Variants in RORA observed in about 807,000 individuals in gnomAD.
The protein encoded by RORA is RAR related orphan receptor A, also known as nuclear receptor ROR-alpha.
In RORA, 7 loss-of-function variants were observed where a neutral mutation model predicts 69.5. The ratio of observed to expected loss-of-function variants is 0.10; its 90% confidence interval spans 0.06 to 0.19. The LOEUF is 0.19. RORA is among the 10% of genes least tolerant of loss of function. The pLI, the probability that RORA is intolerant of heterozygous loss-of-function variation, is 1.00. For missense variants in RORA, 457 were observed against 663.0 expected (o/e 0.69, Z 3.41); for synonymous variants, 261 against 240.8 (o/e 1.08, Z -0.78).
intron 1 of RORA, among the ~76,000 whole-genome samples, chr15:60,734,180 A>T (rs955750831): frequency 1.3e-5 from 2 of 152,110 alleles, no homozygotes; most frequent in Non-Finnish European, 2.9e-5. Flanking sequence ...TGACCCCTAA[A>T]TCAGTGTTCT....
chr15:61,115,577 T>C (rs1258781347), intron 1 of RORA, among the ~76,000 whole-genome samples: 1 of 152,192 alleles, frequency 6.6e-6, no homozygotes, highest in African/African-American at 2.4e-5. Flanking sequence ...TAGGCTCATT[T>C]TCCCTCATAA....
intron 1 of RORA, among the ~76,000 whole-genome samples, chr15:61,140,888 T>C (rs1460149911): frequency 6.6e-6 from 1 of 152,084 alleles, no homozygotes; most frequent in Non-Finnish European, 1.5e-5. Context: ...CCAAACACCT[T>C]CCTAACTCCC....
chr15:60,666,881 C>T (rs369788855), intron 2 of RORA, among the ~76,000 whole-genome samples: 1 of 152,182 alleles, frequency 6.6e-6, no homozygotes, highest in Non-Finnish European at 1.5e-5. Context: ...TTAGACTCCT[C>T]AGGTGACAGA....
chr15:61,000,867 G>A (rs1271317200), intron 1 of RORA, among the ~76,000 whole-genome samples: 1 of 152,092 alleles, frequency 6.6e-6, no homozygotes, highest in Non-Finnish European at 1.5e-5. Flanking sequence ...CTATCATGTG[G>A]GGACACCTGA....
chr15:61,025,223 A>T (rs2140426069), intron 1 of RORA, among the ~76,000 whole-genome samples: 1 of 152,330 alleles, frequency 6.6e-6, no homozygotes, highest in East Asian at 1.9e-4. Context: ...ACACTGGGAC[A>T]TGACTTAATT....
chr15:61,229,219 GT>G lies in RORA; in HGVS notation c.-2del. On this transcript the variant is annotated 5_prime_UTR_variant, in exon 1 of 11. Coordinates refer to ENST00000335670, the MANE Select transcript of RORA (RefSeq NM_134261.3). ...CGGGGGCTGCCGGAGCTGACTCCAT[GT>G]TTTTTCCCAATGTAGAGATCGCTGG... 7 of 1,377,026 alleles carry G rather than the reference GT, an allele frequency of 5.1e-6. No individual in the cohort carries two copies. Among genetic ancestry groups the G allele is most frequent in the Non-Finnish European group, 6.7e-6 (7 of 1,051,880 alleles). 85.3% of individuals were successfully genotyped at this position (1,377,026 alleles called of 1,614,324 possible). A position where few individuals can be genotyped will look rare whatever the true frequency, so the allele number is the denominator to read the frequency against.
At chr15:60,982,311 A>G (rs11631656) in intron 1 of RORA, among the ~76,000 whole-genome samples, 30,303 of 152,104 alleles carry the variant, frequency 0.2, 3,131 homozygotes, top group Middle Eastern at 0.24. Context: ...AGCCCTGGAC[A>G]TGTGAATGTT....
chr15:60,815,754 T>C (rs1353887897), intron 1 of RORA, among the ~76,000 whole-genome samples: 2 of 151,712 alleles, frequency 1.3e-5, no homozygotes, highest in Non-Finnish European at 2.9e-5. Flanking sequence ...AGCTCATCTT[T>C]AGATGCCCCC....
At chr15:60,657,608 C>G (rs1485123296) in intron 2 of RORA, among the ~76,000 whole-genome samples, 1 of 152,174 alleles carries the variant, frequency 6.6e-6, no homozygotes, top group African/African-American at 2.4e-5. Flanking sequence ...TCCTTGGGAG[C>G]CTGAAATGGA....
At chr15:60,801,659 G>A (rs1299762781) in intron 1 of RORA, among the ~76,000 whole-genome samples, 2 of 152,214 alleles carry the variant, frequency 1.3e-5, no homozygotes, top group Non-Finnish European at 2.9e-5. Flanking sequence ...CCCCAGTGCA[G>A]CCGCCTGAAA....
intron 1 of RORA, among the ~76,000 whole-genome samples, chr15:61,151,059 AC>A (rs2079393776): frequency 6.6e-6 from 1 of 152,208 alleles, no homozygotes; most frequent in Admixed American, 6.5e-5. Flanking sequence ...TGTAATTCCT[AC>A]CCATCATCCA....
chr15:60,844,974 A>G (rs952386025), intron 1 of RORA, among the ~76,000 whole-genome samples: 1 of 152,188 alleles, frequency 6.6e-6, no homozygotes, highest in African/African-American at 2.4e-5. Flanking sequence ...TCAGTTGTAT[A>G]AGTGAAGGAA....
chr15:60,559,098 C>T (rs559358871), intron 2 of RORA, among the ~76,000 whole-genome samples: 1 of 151,952 alleles, frequency 6.6e-6, no homozygotes, highest in East Asian at 1.9e-4. Flanking sequence ...AAATAAAGAA[C>T]ATTTAATATT....
rs2065889393 is a variant in RORA at position 60,516,022 on chromosome 15, T to TAC, written c.283-1266_283-1265insGT. On this transcript the variant is annotated intron_variant, in intron 3 of 10. Coordinates refer to ENST00000335670, the MANE Select transcript of RORA (RefSeq NM_134261.3). ...ATATTTATATATATTTATATATATTTATATATTTATATATATTTATATATT... is the reference window on the plus strand; with the variant it reads ...ATATTTATATATATTTATATATATTTACATATATTTATATATATTTATATATT... Among the ~76,000 whole-genome samples, 2 of 7,660 alleles carry TAC rather than the reference T, an allele frequency of 2.6e-4. 1 individual carries two copies. Among genetic ancestry groups the TAC allele is most frequent in the Non-Finnish European group, 5.2e-4 (2 of 3,844 alleles). The allele number at this position is 7,660 out of a possible 152,430, so 5.0% of individuals were successfully genotyped here. A position where few individuals can be genotyped will look rare whatever the true frequency, so the allele number is the denominator to read the frequency against.
chr15:60,564,178 G>A (rs1225900721), intron 2 of RORA, among the ~76,000 whole-genome samples: 2 of 152,304 alleles, frequency 1.3e-5, no homozygotes, highest in South Asian at 4.1e-4. Context: ...TCACACTTCT[G>A]TGTGAACTTA....
intron 1 of RORA, chr15:60,686,995 TC>T (rs986412730): frequency 1.3e-5 from 2 of 151,928 alleles, no homozygotes; most frequent in East Asian, 1.9e-4. Context: ...GGTCTGCAGC[TC>T]CCCCCAGAAC....
intron 1 of RORA, among the ~76,000 whole-genome samples, chr15:61,149,677 C>A (rs920607460): frequency 1.3e-5 from 2 of 152,026 alleles, no homozygotes; most frequent in African/African-American, 4.8e-5. Flanking sequence ...TCCAGGTAGC[C>A]ACAACAGAAC....
At chr15:60,497,663 TA>T in intron 10 of RORA, 44 bp from the exon 11 acceptor site, 1 of 1,512,230 alleles carries the variant, frequency 6.6e-7, no homozygotes, top group Non-Finnish European at 9.2e-7. Context: ...AGAACAGGCA[TA>T]AGCATCAAAG....
At chr15:60,967,689 G>A (rs1301005264) in intron 1 of RORA, among the ~76,000 whole-genome samples, 2 of 152,178 alleles carry the variant, frequency 1.3e-5, no homozygotes, top group Admixed American at 6.5e-5. Flanking sequence ...ATTCAGTGAG[G>A]TGCTTTTCCT....
Sources: gnomAD v4.1 joint callset for allele counts (sites outside exome capture counted in the v4.1 genomes callset) on GRCh38, gnomAD v4.1.1 for gene constraint, MANE v1.5 for transcripts, NCBI Gene and HGNC (gene_info 2026-07-23, HGNC 2026-07-21) for gene names.